ADAM10: variants seen among roughly 807,000 people sequenced by gnomAD.
ADAM10 encodes disintegrin and metalloproteinase domain-containing protein 10.
In ADAM10, 17 loss-of-function variants were observed where a neutral mutation model predicts 90.1. The ratio of observed to expected loss-of-function variants is 0.19; its 90% confidence interval spans 0.13 to 0.28. The LOEUF is 0.28. Among genes scored for constraint, ADAM10 ranks in the 10% least tolerant of loss-of-function variants. ADAM10 has a pLI of 1.00. For synonymous variants in ADAM10, 310 were observed against 298.6 expected (o/e 1.04, Z -0.40); for missense variants, 610 against 914.3 (o/e 0.67, Z 4.29).
chr15:58,739,800 G>A (rs569304656), intron 1 of ADAM10, among the ~76,000 whole-genome samples: 1 of 152,274 alleles, frequency 6.6e-6, no homozygotes, highest in East Asian at 1.9e-4. Flanking sequence ...AAATCATTAT[G>A]ACATTCAGTT....
chr15:58,651,093 A>C (rs1476824533), intron 5 of ADAM10, among the ~76,000 whole-genome samples: 1 of 152,062 alleles, frequency 6.6e-6, no homozygotes, highest in Admixed American at 6.5e-5. Flanking sequence ...TTATCTATTA[A>C]ATTTTTTTAT....
At chr15:58,665,457 A>C (rs1168785755) in intron 4 of ADAM10, among the ~76,000 whole-genome samples, 1 of 152,044 alleles carries the variant, frequency 6.6e-6, no homozygotes, top group Admixed American at 6.6e-5. Context: ...GGCAATAACC[A>C]CTCATTATTC....
chr15:58,637,309 G>C (rs950986000), intron 8 of ADAM10, among the ~76,000 whole-genome samples: 5 of 152,170 alleles, frequency 3.3e-5, no homozygotes, highest in African/African-American at 1.2e-4. Flanking sequence ...TCCAAAGCCA[G>C]CCTCATTCAA....
intron 1 of ADAM10, among the ~76,000 whole-genome samples, chr15:58,726,488 G>A (rs1289466594): frequency 1.4e-5 from 2 of 139,558 alleles, no homozygotes; most frequent in East Asian, 4.4e-4. Flanking sequence ...TCGCTTAAAC[G>A]CAGGAGGCAG....
chr15:58,645,266 T>C lies in ADAM10; in HGVS notation c.735+789A>G, dbSNP rs1335464499. Among the ~76,000 whole-genome samples, 4 of 152,322 alleles carry C rather than the reference T, an allele frequency of 2.6e-5. No individual in the cohort carries two copies. In the East Asian group the frequency reaches 7.7e-4, roughly 29 times the overall value. ...GCTATTTTGTCTTGAAATTTATTTG[T>C]TCCTTGGTAAATCCTACAAAATCTC... On this transcript the variant is annotated intron_variant, in intron 6 of 15. Transcript: ENST00000260408.
At chr15:58,642,764 C>T (rs1324472930) in intron 7 of ADAM10, among the ~76,000 whole-genome samples, 1 of 152,198 alleles carries the variant, frequency 6.6e-6, no homozygotes, top group Non-Finnish European at 1.5e-5. Flanking sequence ...AACAGCAACA[C>T]TTATACCTCT....
chr15:58,628,712 C>T (rs1428989270), intron 9 of ADAM10, among the ~76,000 whole-genome samples: 1 of 152,154 alleles, frequency 6.6e-6, no homozygotes, highest in Non-Finnish European at 1.5e-5. Flanking sequence ...ATTCAGAACA[C>T]ATCAGAAGGG....
chr15:58,614,840 C>G (rs1469535923), intron 11 of ADAM10, among the ~76,000 whole-genome samples: 1 of 152,124 alleles, frequency 6.6e-6, no homozygotes, highest in African/African-American at 2.4e-5. Context: ...ACCGCCATTA[C>G]CACAAAGCTG....
chr15:58,708,076 CA>C (rs1173464239), intron 2 of ADAM10, among the ~76,000 whole-genome samples: 1 of 146,818 alleles, frequency 6.8e-6, no homozygotes, highest in East Asian at 2.0e-4. Flanking sequence ...GACTCGGTCT[CA>C]AAAAAAAACA....
In ADAM10 at chr15:58,663,187, T is replaced by G. The variant is rs76905851; in HGVS notation, c.585+1910A>C. On this transcript the variant is annotated intron_variant, in intron 5 of 15. Transcript: ENST00000260408. Reference sequence around the variant, plus strand: ...TCATTTTAGACATTTAAAACTTCAATCCATCTAGACTTTTTTGTTGTAAAT... The same window carrying G: ...TCATTTTAGACATTTAAAACTTCAAGCCATCTAGACTTTTTTGTTGTAAAT... Among the ~76,000 whole-genome samples the G allele has an allele frequency of 2.0e-5, 3 of 152,356 alleles. No individual in the cohort carries two copies. The East Asian group carries it at 5.8e-4, about 29-fold the overall frequency.
intron 2 of ADAM10, among the ~76,000 whole-genome samples, chr15:58,700,497 A>C (rs931777304): frequency 1.3e-5 from 2 of 152,222 alleles, no homozygotes; most frequent in Non-Finnish European, 2.9e-5. Context: ...CAAGAAAGAA[A>C]TTAAGGAAGA....
chr15:58,628,733 C>T (rs979972184), intron 9 of ADAM10, among the ~76,000 whole-genome samples: 2 of 152,214 alleles, frequency 1.3e-5, no homozygotes, highest in Non-Finnish European at 2.9e-5. Flanking sequence ...GCAAAAAACA[C>T]TGGACACTAG....
At chr15:58,615,161 C>G (rs1895569923) in intron 11 of ADAM10, among the ~76,000 whole-genome samples, 1 of 151,096 alleles carries the variant, frequency 6.6e-6, no homozygotes, top group Non-Finnish European at 1.5e-5. Flanking sequence ...GTAGTCCCAG[C>G]TACTAGGGAG....
At chr15:58,623,915 G>A (rs1166260048) in intron 10 of ADAM10, among the ~76,000 whole-genome samples, 1 of 151,136 alleles carries the variant, frequency 6.6e-6, no homozygotes, top group East Asian at 2.0e-4. Context: ...AACCACCATG[G>A]CACACGTACA....
intron 2 of ADAM10, among the ~76,000 whole-genome samples, chr15:58,699,432 C>T (rs1272945745): frequency 6.6e-6 from 1 of 152,062 alleles, no homozygotes; most frequent in East Asian, 1.9e-4. Context: ...CACCAAACCA[C>T]AATGATAAAC....
chr15:58,716,178 T>C (rs1425601494), intron 2 of ADAM10, among the ~76,000 whole-genome samples: 1 of 152,218 alleles, frequency 6.6e-6, no homozygotes, highest in Non-Finnish European at 1.5e-5. Flanking sequence ...TACAAAATAC[T>C]TTAAGTTTCA....
intron 1 of ADAM10, among the ~76,000 whole-genome samples, chr15:58,721,145 T>A (rs1898839027): frequency 6.6e-6 from 1 of 152,262 alleles, no homozygotes; most frequent in Non-Finnish European, 1.5e-5. Context: ...GCTGAAATTC[T>A]ACTGGGAGAG....
chr15:58,652,480 C>T (rs1462674487), intron 5 of ADAM10, among the ~76,000 whole-genome samples: 6 of 152,146 alleles, frequency 3.9e-5, no homozygotes, highest in Admixed American at 2.0e-4. Context: ...TTTCCCAGCA[C>T]CATTTATTGA....
chr15:58,631,457 G>C (rs1190390593), intron 9 of ADAM10, among the ~76,000 whole-genome samples: 1 of 152,152 alleles, frequency 6.6e-6, no homozygotes, highest in African/African-American at 2.4e-5. Flanking sequence ...TACACAAGAA[G>C]TGAAAAGAGA....
Sources: allele counts gnomAD v4.1 joint callset (sites outside exome capture counted in the v4.1 genomes callset), GRCh38; gene constraint gnomAD v4.1.1; transcripts MANE v1.5; gene names NCBI Gene and HGNC (gene_info 2026-07-23, HGNC 2026-07-21).